The following EHD2 variants were observed in gnomAD, a reference collection of about 807,000 sequenced individuals.
EHD2 encodes the protein EH domain containing 2.
EHD2 carries 27 observed loss-of-function variants against 41.0 expected under a neutral mutation model. That is an observed-to-expected ratio of 0.66 (90% CI 0.49 to 0.91). The LOEUF is 0.91. Among genes scored for constraint, EHD2 ranks in the 40% least tolerant of loss-of-function variants. The pLI, the probability that EHD2 is intolerant of heterozygous loss-of-function variation, is 0.00. For missense variants in EHD2, 673 were observed against 773.9 expected (o/e 0.87, Z 1.55); for synonymous variants, 342 against 341.0 (o/e 1.00, Z -0.03).
In EHD2 at chr19:47,716,954, C is replaced by T. The variant is rs759194084; in HGVS notation, c.342C>T (p.Leu114=). 16 of 1,606,570 alleles carry T rather than the reference C, an allele frequency of 1.0e-5. No individual in the cohort carries two copies. The highest frequency in any genetic ancestry group is 6.7e-5 in the East Asian group (3 of 44,892). ...AGGGCACCGTGCCCGGCAACGCCCT[C>T]GTCGTGGACCCGGACAAGCCCTTCC... ...DTEGTVPGNA[L]VVDPDKPFRK... Residue 114 remains leucine (L), a synonymous_variant, in exon 2 of 6, where the codon CTC becomes CTT. Coordinates refer to ENST00000263277, the MANE Select transcript of EHD2 (RefSeq NM_014601.4).
chr19:47,731,291 T>TATATATATAC (rs1387886648), intron 4 of EHD2: 9 of 86,060 alleles, frequency 1.0e-4, no homozygotes, highest in Admixed American at 2.5e-4. Flanking sequence ...TATATATATA[T>TATATATATAC]ATATATATAT....
chr19:47,733,772 A>AAAAAAAAAAAAAAAAAC (rs1568592559), intron 4 of EHD2, among the ~76,000 whole-genome samples: 2 of 149,886 alleles, frequency 1.3e-5, no homozygotes, highest in Non-Finnish European at 3.0e-5. Context: ...AAAAAAAAAA[A>AAAAAAAAAAAAAAAAAC]AAATCCACTG....
intron 5 of EHD2, among the ~76,000 whole-genome samples, chr19:47,739,593 T>A (rs1966963424): frequency 9.3e-6 from 1 of 107,524 alleles, no homozygotes; most frequent in Non-Finnish European, 1.8e-5. Context: ...AGAGCGAAAC[T>A]CGTCAAAAAA....
chr19:47,727,860 G>T (rs796765296), intron 4 of EHD2, among the ~76,000 whole-genome samples: 1 of 152,068 alleles, frequency 6.6e-6, no homozygotes, highest in African/African-American at 2.4e-5. Flanking sequence ...TTGGGAGGCC[G>T]AGGGGGGAGC....
rs138130337 is a variant in EHD2 at position 47,736,495 on chromosome 19, A to G, written c.1042A>G (p.Ile348Val). 1,360 of 1,611,340 alleles carry G rather than the reference A, an allele frequency of 8.4e-4. 4 individuals carry two copies. Among genetic ancestry groups the G allele is most frequent in the South Asian group, 1.4e-3 (129 of 90,480 alleles). ...IFAKIQLEHH[I>V]SPGDFPDCQK... ...TGCGAAGATTCAGCTGGAACATCACATCTCCCCTGGGGACTTTCCTGATTG... is the reference window on the plus strand; with the variant it reads ...TGCGAAGATTCAGCTGGAACATCACGTCTCCCCTGGGGACTTTCCTGATTG... Residue 348 changes from isoleucine (I) to valine (V), a missense_variant, in exon 5 of 6, where the codon ATC (isoleucine) becomes GTC (valine). Physicochemically the swap from Ile to Val is conservative, Grantham distance 29 (BLOSUM62 3). Coordinates refer to ENST00000263277, the MANE Select transcript of EHD2 (RefSeq NM_014601.4).
At chr19:47,720,817 T>C (rs1472022168) in intron 3 of EHD2, among the ~76,000 whole-genome samples, 1 of 151,900 alleles carries the variant, frequency 6.6e-6, no homozygotes, top group African/African-American at 2.4e-5. Flanking sequence ...CCGGATACAG[T>C]TGTGTGCTTC....
At position 47,725,960 on chromosome 19, in the gene EHD2, G is replaced by T; in HGVS notation, c.651G>T (p.Val217=). 1 of 1,613,302 alleles carries T rather than the reference G, an allele frequency of 6.2e-7. No individual in the cohort carries two copies. The highest frequency in any genetic ancestry group is 8.5e-7 in the Non-Finnish European group (1 of 1,179,464). ...GCCATGAGGACAAGATCCGCGTGGT[G>T]CTCAACAAGGCCGACATGGTGGAGA... is the stretch of plus-strand genomic sequence containing the variant. ...LRGHEDKIRV[V]LNKADMVETQ... is the part of the protein sequence containing the mutation. The change falls in exon 4 of 6, where the codon GTG becomes GTT. Residue 217 remains valine (V), a synonymous_variant. Coordinates refer to ENST00000263277, the MANE Select transcript of EHD2 (RefSeq NM_014601.4).
intron 5 of EHD2, among the ~76,000 whole-genome samples, chr19:47,737,781 G>C (rs952957238): frequency 6.6e-6 from 1 of 151,682 alleles, no homozygotes; most frequent in Non-Finnish European, 1.5e-5. Flanking sequence ...GGTGATCATA[G>C]CTCACTGTGT....
intron 4 of EHD2, among the ~76,000 whole-genome samples, chr19:47,730,261 C>T (rs911590725): frequency 6.6e-6 from 1 of 152,078 alleles, no homozygotes; most frequent in African/African-American, 2.4e-5. Flanking sequence ...CCTTTGGTCC[C>T]TACGGAGCCG....
Position 47,718,551 on chromosome 19 carries a change from C to T in EHD2, c.447C>T (p.Ile149=). Reference sequence around the variant, plus strand: ...TCCCTAATCAGGTCCTGGAGAGCATCAGCATCATCGACACCCCGGGTATCC... The same window carrying T: ...TCCCTAATCAGGTCCTGGAGAGCATTAGCATCATCGACACCCCGGGTATCC... ...AQLPNQVLES[I]SIIDTPGILS... The change falls in exon 3 of 6, where the codon ATC becomes ATT. Residue 149 remains isoleucine, a synonymous_variant. Coordinates refer to ENST00000263277, the MANE Select transcript of EHD2 (RefSeq NM_014601.4). 6.3e-7 allele frequency: 1 copy of T among 1,588,422 alleles called. No individual in the cohort carries two copies. Among genetic ancestry groups the T allele is most frequent in the Non-Finnish European group, 8.6e-7 (1 of 1,167,110 alleles).
intron 4 of EHD2, among the ~76,000 whole-genome samples, chr19:47,727,127 G>A (rs1216163945): frequency 2.6e-5 from 4 of 151,454 alleles, no homozygotes; most frequent in Admixed American, 6.6e-5. Flanking sequence ...TTTTTGAGAC[G>A]GAGTTTTGCT....
rs764409449 is a variant in EHD2 at position 47,716,599 on chromosome 19, G to A, written c.-14G>A. Reference sequence around the variant, plus strand: ...ACGTCTCTCCGTGAACCCCGTGAGCGGTGTGCAGCCACCATGTTCAGCTGG... The same window carrying A: ...ACGTCTCTCCGTGAACCCCGTGAGCAGTGTGCAGCCACCATGTTCAGCTGG... On this transcript the variant is annotated 5_prime_UTR_variant, in exon 2 of 6. Transcript: ENST00000263277. 140 of 1,499,622 alleles carry A rather than the reference G, an allele frequency of 9.3e-5. 1 individual carries two copies. The highest frequency in any genetic ancestry group is 7.3e-4 in the South Asian group (56 of 76,710). 92.9% of individuals were successfully genotyped at this position (1,499,622 alleles called of 1,614,324 possible).
rs749665768 is a variant in EHD2 at position 47,717,906 on chromosome 19, T to TA, written c.405-582dup. Among the ~76,000 whole-genome samples, 322 of 93,800 alleles carry TA rather than the reference T, an allele frequency of 3.4e-3. 1 individual carries two copies. Among genetic ancestry groups the TA allele is most frequent in the Middle Eastern group, 6.8e-3 (1 of 146 alleles). 61.5% of individuals were successfully genotyped at this position (93,800 alleles called of 152,430 possible). A position where few individuals can be genotyped will look rare whatever the true frequency, so the allele number is the denominator to read the frequency against. ...CTGGGCAACAGAGCGAGACTCTGTCTAAAAAAAAAAAAAAAAAAAAAGGGA... is the reference window on the plus strand; with the variant it reads ...CTGGGCAACAGAGCGAGACTCTGTCTAAAAAAAAAAAAAAAAAAAAAAGGGA... On this transcript the variant is annotated intron_variant, in intron 2 of 5. Transcript: ENST00000263277.
intron 3 of EHD2, among the ~76,000 whole-genome samples, chr19:47,725,419 A>AAAAAAAAAAG (rs1973740404): frequency 6.7e-6 from 1 of 148,274 alleles, no homozygotes; most frequent in African/African-American, 2.5e-5. Context: ...AAAAAAAAAA[A>AAAAAAAAAAG]TTAGCCAGGT....
At position 47,742,088 on chromosome 19, in the gene EHD2, T is replaced by G; in HGVS notation, c.*656T>G. The G allele has an allele frequency of 2.8e-6, 1 of 362,558 alleles. No individual in the cohort carries two copies. The highest frequency in any genetic ancestry group is 5.4e-6 in the Non-Finnish European group (1 of 185,554). The allele number at this position is 362,558 out of a possible 1,614,324, so 22.5% of individuals were successfully genotyped here. Reference sequence around the variant, plus strand: ...GCCCCTCCGCAGCCCCTTCCCTTGCTCGGGGAAAGCCCCCAATTCTGCCCA... The same window carrying G: ...GCCCCTCCGCAGCCCCTTCCCTTGCGCGGGGAAAGCCCCCAATTCTGCCCA... On this transcript the variant is annotated 3_prime_UTR_variant, in exon 6 of 6. Transcript: ENST00000263277.
Position 47,726,156 on chromosome 19 carries a change from C to G in EHD2, c.847C>G (p.Gln283Glu). Residue 283 changes from glutamine to glutamate, a missense_variant, in exon 4 of 6, where the codon CAG (glutamine) becomes GAG (glutamate). Coordinates refer to ENST00000263277, the MANE Select transcript of EHD2 (RefSeq NM_014601.4). ...LEEQDLFRDI[Q>E]GLPRHAALRK... ...GGAGCAGGACCTCTTCCGCGACATC[C>G]AGGGCCTGCCCCGGCACGCAGCCTT... 1 of 1,581,246 alleles carries G rather than the reference C, an allele frequency of 6.3e-7. No homozygotes were observed. The highest frequency in any genetic ancestry group is 2.3e-5 in the East Asian group (1 of 43,824).
chr19:47,725,844 G>A lies in EHD2; in HGVS notation c.535G>A (p.Ala179Thr). The change falls in exon 4 of 6, where the codon GCG becomes ACG. Residue 179 changes from alanine (A) to threonine (T), a missense_variant. Physicochemically the swap from Ala to Thr is moderately conservative, Grantham distance 58. Coordinates refer to ENST00000263277, the MANE Select transcript of EHD2 (RefSeq NM_014601.4). ...CTTCCCGGCCGTGCTGCGCTGGTTC[G>A]CGGAGCGCGTGGACCTCATCATCCT... ...YDFPAVLRWF[A>T]ERVDLIILLF... The A allele has an allele frequency of 6.3e-7, 1 of 1,599,154 alleles. No individual in the cohort carries two copies. Among genetic ancestry groups the A allele is most frequent in the Non-Finnish European group, 8.6e-7 (1 of 1,168,422 alleles).
intron 1 of EHD2, among the ~76,000 whole-genome samples, chr19:47,715,073 AT>A (rs1489561173): frequency 2.0e-5 from 3 of 151,688 alleles, no homozygotes; most frequent in East Asian, 1.9e-4. Context: ...AAATAAATAA[AT>A]AAATAAAAAG....
At position 47,731,782 on chromosome 19, in the gene EHD2, T is replaced by C. The variant is rs1004787957; in HGVS notation, c.916-4587T>C. On this transcript the variant is annotated intron_variant, in intron 4 of 5. Transcript: ENST00000263277. ...TTCTTGTGTGTCTTTCCAGATATAC[T>C]GCATTTTTTTTTTTTTTTTTTTTGA... Among the ~76,000 whole-genome samples the C allele has an allele frequency of 3.6e-5, 5 of 138,874 alleles. 1 individual carries two copies. Among genetic ancestry groups the C allele is most frequent in the African/African-American group, 1.3e-4 (5 of 39,174 alleles). 91.1% of individuals were successfully genotyped at this position (138,874 alleles called of 152,430 possible).
Sources: gnomAD v4.1 joint callset for allele counts (sites outside exome capture counted in the v4.1 genomes callset) on GRCh38, gnomAD v4.1.1 for gene constraint, MANE v1.5 for transcripts, NCBI Gene and HGNC (gene_info 2026-07-23, HGNC 2026-07-21) for gene names.